FAM133A: variants seen among roughly 807,000 people sequenced by gnomAD.
FAM133A encodes family with sequence similarity 133 member A.
For synonymous variants in FAM133A, 65 were observed against 58.6 expected (o/e 1.11, Z -0.50); for missense variants, 159 against 164.4 (o/e 0.97, Z 0.18).
rs777266296 is a variant in FAM133A, at chrX:93,700,826, C to A, written c.-104+2341C>A. On this transcript the variant is annotated intron_variant, in intron 3 of 3. Transcript: ENST00000683942. The stretch of plus-strand genomic sequence containing the variant: ...TCAGCCAGTATATTTACATCAAATT[C>A]TCTGTTCTCTTTTCAGAAATACATT... 5.4e-5 allele frequency among the ~76,000 whole-genome samples: 6 copies of A among 111,421 alleles called. 1 individual carries two copies. In the South Asian group the frequency reaches 2.3e-3, roughly 42 times the overall value.
At chrX:93,697,097 C>A (rs1429334111) in intron 2 of FAM133A, among the ~76,000 whole-genome samples, 1 of 106,373 alleles carries the variant, frequency 9.4e-6, no homozygotes, top group Non-Finnish European at 1.9e-5. Context: ...ATGACAAGTT[C>A]CCCCAAAATT....
At chrX:93,673,929 C>T (rs1326920643), upstream of FAM133A, 1 of 104,957 alleles carries the variant, frequency 9.5e-6, no homozygotes, top group Non-Finnish European at 1.9e-5. Context: ...TCTTCCTTCT[C>T]CCATCCGCCC....
At chrX:93,681,147 T>C (rs2147588705) in intron 2 of FAM133A, among the ~76,000 whole-genome samples, 1 of 111,331 alleles carries the variant, frequency 9.0e-6, no homozygotes, top group South Asian at 3.7e-4. Context: ...AGTTTGAAAG[T>C]ATTTTATTTA....
At chrX:93,702,837 T>TAAA (rs33985910) in intron 3 of FAM133A, among the ~76,000 whole-genome samples, 226 of 42,986 alleles carry the variant, frequency 5.3e-3, no homozygotes, top group East Asian at 0.012. Context: ...ATAGCTATGA[T>TAAA]AAAAAAAAAA....
At chrX:93,677,277 C>T (rs1924779561) in intron 2 of FAM133A, among the ~76,000 whole-genome samples, 1 of 110,280 alleles carries the variant, frequency 9.1e-6, no homozygotes, top group Non-Finnish European at 1.9e-5. Flanking sequence ...TATGAACATA[C>T]ACACAATCCC....
At chrX:93,704,200 G>T (rs1312475767) in intron 3 of FAM133A, among the ~76,000 whole-genome samples, 1 of 111,591 alleles carries the variant, frequency 9.0e-6, no homozygotes, top group Non-Finnish European at 1.9e-5. Flanking sequence ...TTTGTCCTGT[G>T]ACTTAGATTG....
At chrX:93,690,998 G>T (rs1045708268) in intron 2 of FAM133A, among the ~76,000 whole-genome samples, 1 of 111,722 alleles carries the variant, frequency 9.0e-6, no homozygotes, top group African/African-American at 3.2e-5. Context: ...ATTTATTCAA[G>T]TTATTTGCCA....
chrX:93,685,545 A>G (rs994527601), intron 2 of FAM133A, among the ~76,000 whole-genome samples: 5 of 112,057 alleles, frequency 4.5e-5, no homozygotes, highest in Non-Finnish European at 1.9e-5. Context: ...AGTAAGACTT[A>G]TGCTTACTGG....
At chrX:93,705,006 G>C (rs1423467272) in intron 3 of FAM133A, among the ~76,000 whole-genome samples, 2 of 110,993 alleles carry the variant, frequency 1.8e-5, no homozygotes, top group East Asian at 5.7e-4. Flanking sequence ...CAGTATCTCA[G>C]ACTTGACCTT....
In FAM133A at chrX:93,710,023, G is replaced by C; in HGVS notation, c.604G>C (p.Glu202Gln). Reference sequence around the variant, plus strand: ...GTCCTCATCTGAATCAGATTATGAAGAGGATGTGCAAGCAAAAAAGAAGAG... The same window carrying C: ...GTCCTCATCTGAATCAGATTATGAACAGGATGTGCAAGCAAAAAAGAAGAG... ...SESSSESDYE[E>Q]DVQAKKKRRC... is the part of the protein sequence containing the mutation. The change falls in exon 4 of 4, where the codon GAG becomes CAG. Residue 202 changes from glutamate (E) to glutamine (Q), a missense_variant. Physicochemically the swap from Glu to Gln is conservative, Grantham distance 29 (BLOSUM62 2). Coordinates refer to ENST00000683942, the MANE Select transcript of FAM133A (RefSeq NM_001171109.2). 1.7e-6 allele frequency: 2 copies of C among 1,205,960 alleles called. No individual in the cohort carries two copies. The highest frequency in any genetic ancestry group is 2.2e-6 in the Non-Finnish European group (2 of 892,903).
intron 2 of FAM133A, among the ~76,000 whole-genome samples, chrX:93,677,160 G>A (rs1040581295): frequency 9.1e-6 from 1 of 109,304 alleles, no homozygotes; most frequent in African/African-American, 3.3e-5. Context: ...TTTTTTGGCG[G>A]GGGGGCTAAA....
intron 3 of FAM133A, among the ~76,000 whole-genome samples, chrX:93,698,784 T>G (rs1176437320): frequency 9.0e-6 from 1 of 111,581 alleles, no homozygotes; most frequent in Non-Finnish European, 1.9e-5. Flanking sequence ...TACAGGTGGT[T>G]TCTTTTGGTT....
At chrX:93,707,085 G>A (rs1927087506) in intron 3 of FAM133A, among the ~76,000 whole-genome samples, 2 of 112,312 alleles carry the variant, frequency 1.8e-5, no homozygotes, top group South Asian at 7.3e-4. Context: ...GTCAGGACTA[G>A]GTCTCAAGGG....
chrX:93,675,309 G>A (rs1382944750), intron 2 of FAM133A, among the ~76,000 whole-genome samples: 1 of 111,564 alleles, frequency 9.0e-6, no homozygotes, highest in Admixed American at 9.5e-5. Context: ...TATGTATACT[G>A]CTTTATCTAT....
chrX:93,695,287 C>T (rs1926154996), intron 2 of FAM133A, among the ~76,000 whole-genome samples: 1 of 110,726 alleles, frequency 9.0e-6, no homozygotes, highest in Non-Finnish European at 1.9e-5. Flanking sequence ...GAGTCTCACT[C>T]TTGTCGCCTA....
rs1160729200 is a variant in FAM133A at position 93,711,684 on chromosome X, T to C, written c.*1518T>C. The C allele has an allele frequency of 8.2e-6, 1 of 122,460 alleles. No individual in the cohort carries two copies. The highest frequency in any genetic ancestry group is 1.9e-5 in the Non-Finnish European group (1 of 53,082). 10.1% of individuals were successfully genotyped at this position (122,460 alleles called of 1,213,427 possible). On this transcript the variant is annotated 3_prime_UTR_variant, in exon 4 of 4. Coordinates refer to ENST00000683942, the MANE Select transcript of FAM133A (RefSeq NM_001171109.2). ...TAAAATTATAAAGATAAAAAACATC[T>C]ACATAAACATGTTGGCTGCCAAATT...
chrX:93,702,755 AC>A (rs1449837551), intron 3 of FAM133A, among the ~76,000 whole-genome samples: 1 of 105,346 alleles, frequency 9.5e-6, no homozygotes, highest in African/African-American at 3.5e-5. Flanking sequence ...AGTAGTACAT[AC>A]CCTTGATATG....
chrX:93,703,177 A>G (rs1006589032), intron 3 of FAM133A, among the ~76,000 whole-genome samples: 1 of 111,633 alleles, frequency 9.0e-6, no homozygotes, highest in Admixed American at 9.5e-5. Flanking sequence ...CAACAGAGTG[A>G]GATCCTGTCT....
In FAM133A at chrX:93,709,996, G is replaced by C. The variant is rs762224678; in HGVS notation, c.577G>C (p.Glu193Gln). Residue 193 changes from glutamate (E) to glutamine (Q), a missense_variant, in exon 4 of 4, where the codon GAG becomes CAG. Glu to Gln is a conservative substitution (Grantham distance 29). Coordinates refer to ENST00000683942, the MANE Select transcript of FAM133A (RefSeq NM_001171109.2). ...SYPDDKPLSS[E>Q]SSSESDYEED... ...CCCTGATGATAAACCTTTATCATCT[G>C]AGTCCTCATCTGAATCAGATTATGA... 1 of 1,201,485 alleles carries C rather than the reference G, an allele frequency of 8.3e-7. No individual in the cohort carries two copies. Among genetic ancestry groups the C allele is most frequent in the Non-Finnish European group, 1.1e-6 (1 of 891,782 alleles).
Sources: allele counts gnomAD v4.1 joint callset (sites outside exome capture counted in the v4.1 genomes callset), GRCh38; gene constraint gnomAD v4.1.1; transcripts MANE v1.5; gene names NCBI Gene and HGNC (gene_info 2026-07-23, HGNC 2026-07-21).